Variants in KCNH5 observed in about 807,000 individuals in gnomAD.
KCNH5 encodes voltage-gated delayed rectifier potassium channel KCNH5.
Under a neutral mutation model 96.1 loss-of-function variants are expected in KCNH5, and 46 were observed. The ratio of observed to expected loss-of-function variants is 0.48; its 90% CI spans 0.38 to 0.61. The LOEUF is 0.61. Among genes scored for constraint, KCNH5 ranks in the 20% least tolerant of loss-of-function variants. The probability of loss-of-function intolerance (pLI) is 0.00; values close to 1 mark genes in which losing one functional copy is unlikely to be tolerated. For missense variants in KCNH5, 907 were observed against 1,225.8 expected (o/e 0.74, Z 3.88); for synonymous variants, 439 against 449.8 (o/e 0.98, Z 0.30).
intron 1 of KCNH5, among the ~76,000 whole-genome samples, chr14:63,042,009 T>G (rs1891833801): frequency 6.6e-6 from 1 of 152,114 alleles, no homozygotes; most frequent in African/African-American, 2.4e-5. Flanking sequence ...ATCAAAAAAA[T>G]GTTCTGGTAA....
At chr14:62,787,620 A>G (rs902204068) in intron 9 of KCNH5, among the ~76,000 whole-genome samples, 1 of 152,228 alleles carries the variant, frequency 6.6e-6, no homozygotes, top group Non-Finnish European at 1.5e-5. Context: ...AGAGAAGTCA[A>G]AAACTGGCTT....
At chr14:62,794,035 T>C (rs1886488901) in intron 9 of KCNH5, among the ~76,000 whole-genome samples, 1 of 152,014 alleles carries the variant, frequency 6.6e-6, no homozygotes, top group Non-Finnish European at 1.5e-5. Flanking sequence ...TCTTGTGTTC[T>C]AAGAACTCAT....
At chr14:62,897,447 A>C (rs1207537026) in intron 7 of KCNH5, among the ~76,000 whole-genome samples, 1 of 152,198 alleles carries the variant, frequency 6.6e-6, no homozygotes, top group African/African-American at 2.4e-5. Flanking sequence ...CCAAGTAACA[A>C]AGAGAAGAAT....
chr14:62,731,709 T>C (rs1885054671), intron 10 of KCNH5, among the ~76,000 whole-genome samples: 1 of 152,230 alleles, frequency 6.6e-6, no homozygotes, highest in South Asian at 2.1e-4. Flanking sequence ...CAGGTTTAGA[T>C]GCGTTGCAAA....
At chr14:62,814,218 G>A (rs1342291997) in intron 8 of KCNH5, among the ~76,000 whole-genome samples, 11 of 151,720 alleles carry the variant, frequency 7.3e-5, no homozygotes, top group African/African-American at 2.4e-4. Context: ...AATTCTACCA[G>A]GTTTTTCACA....
At chr14:62,859,336 G>A (rs1887989745) in intron 7 of KCNH5, among the ~76,000 whole-genome samples, 1 of 152,188 alleles carries the variant, frequency 6.6e-6, no homozygotes, top group Non-Finnish European at 1.5e-5. Flanking sequence ...CTGAGCCCAT[G>A]CATAACCTCC....
At chr14:62,760,610 AC>A (rs548650488) in intron 10 of KCNH5, among the ~76,000 whole-genome samples, 68 of 152,372 alleles carry the variant, frequency 4.5e-4, no homozygotes, top group African/African-American at 1.4e-3. Flanking sequence ...TCAAATGTCA[AC>A]TTCTAAAAGT....
intron 10 of KCNH5, among the ~76,000 whole-genome samples, chr14:62,760,795 G>A (rs114288698): frequency 0.012 from 1,763 of 152,306 alleles, 31 homozygotes; most frequent in African/African-American, 0.04. Flanking sequence ...GGCAAAATCT[G>A]TGAAATGCAC....
At chr14:62,827,955 A>C (rs1351862203) in intron 8 of KCNH5, among the ~76,000 whole-genome samples, 1 of 151,948 alleles carries the variant, frequency 6.6e-6, no homozygotes, top group East Asian at 1.9e-4. Context: ...TTTATGTTTT[A>C]GTTCCATTAA....
At chr14:62,852,508 G>T (rs1226129989) in intron 7 of KCNH5, among the ~76,000 whole-genome samples, 1 of 152,050 alleles carries the variant, frequency 6.6e-6, no homozygotes, top group Non-Finnish European at 1.5e-5. Flanking sequence ...GCAGCTTCTC[G>T]CAAGGATGAC....
intron 8 of KCNH5, among the ~76,000 whole-genome samples, chr14:62,807,763 G>A (rs150737085): frequency 1.5e-3 from 227 of 152,206 alleles, no homozygotes; most frequent in African/African-American, 5.1e-3. Context: ...TTTAAAAGGA[G>A]GGATGTTTAG....
chr14:62,914,462 A>T (rs1397666079), intron 7 of KCNH5, among the ~76,000 whole-genome samples: 1 of 152,146 alleles, frequency 6.6e-6, no homozygotes, highest in African/African-American at 2.4e-5. Context: ...AAACTTCATT[A>T]AAAAGGAGGG....
intron 6 of KCNH5, among the ~76,000 whole-genome samples, chr14:62,966,185 GCA>G (rs1890301854): frequency 6.6e-6 from 1 of 152,156 alleles, no homozygotes; most frequent in Admixed American, 6.6e-5. Flanking sequence ...TTCTGAAAGT[GCA>G]CACTGGGCAT....
intron 7 of KCNH5, among the ~76,000 whole-genome samples, chr14:62,929,210 C>CG (rs1353138850): frequency 6.6e-6 from 1 of 151,976 alleles, no homozygotes; most frequent in Non-Finnish European, 1.5e-5. Context: ...AACCACCCCC[C>CG]GCATCTAGTC....
At chr14:62,843,385 T>C (rs1887623947) in intron 8 of KCNH5, among the ~76,000 whole-genome samples, 1 of 151,504 alleles carries the variant, frequency 6.6e-6, no homozygotes, top group South Asian at 2.1e-4. Context: ...TATTTTATTA[T>C]ATTCACATGG....
In KCNH5 at chr14:62,981,272, A is replaced by G. The variant is rs1566729530; in HGVS notation, c.550-8T>C. On this transcript the variant is annotated splice_polypyrimidine_tract_variant and splice_region_variant and intron_variant, in intron 5 of 10. Transcript: ENST00000322893. ...TGATCCCAGCTGAAGAACCTAAAAGAGAGAAAATGTATTTATACATGACTA... is the reference window on the plus strand; with the variant it reads ...TGATCCCAGCTGAAGAACCTAAAAGGGAGAAAATGTATTTATACATGACTA... The G allele has an allele frequency of 6.2e-7, 1 of 1,613,328 alleles. No homozygotes were observed. Among genetic ancestry groups the G allele is most frequent in the East Asian group, 2.2e-5 (1 of 44,870 alleles).
intron 1 of KCNH5, among the ~76,000 whole-genome samples, chr14:63,024,196 G>A (rs868050430): frequency 7.1e-6 from 1 of 141,294 alleles, no homozygotes; most frequent in African/African-American, 2.6e-5. Context: ...GCAATAGAGT[G>A]AGACTCCATC....
chr14:62,737,116 C>A (rs907129370), intron 10 of KCNH5, among the ~76,000 whole-genome samples: 1 of 152,158 alleles, frequency 6.6e-6, no homozygotes, highest in Non-Finnish European at 1.5e-5. Flanking sequence ...CAACCCTCCA[C>A]AAATGCTTGA....
intron 9 of KCNH5, among the ~76,000 whole-genome samples, chr14:62,788,275 TA>T (rs1334576443): frequency 6.6e-6 from 1 of 152,162 alleles, no homozygotes; most frequent in African/African-American, 2.4e-5. Context: ...ACTGCAGATG[TA>T]GAAACGGCAA....
Sources: allele counts gnomAD v4.1 joint callset (sites outside exome capture counted in the v4.1 genomes callset), GRCh38; gene constraint gnomAD v4.1.1; transcripts MANE v1.5; gene names NCBI Gene and HGNC (gene_info 2026-07-23, HGNC 2026-07-21).